Variants in KDM4D observed in about 807,000 individuals in gnomAD.
KDM4D encodes lysine-specific demethylase 4D.
For synonymous variants in KDM4D, 254 were observed against 249.1 expected (o/e 1.02, Z -0.19); for missense variants, 427 against 674.8 (o/e 0.63, Z 4.07).
intron 2 of KDM4D, among the ~76,000 whole-genome samples, chr11:94,983,210 A>C (rs1857856584): frequency 6.6e-6 from 1 of 151,984 alleles, no homozygotes. Flanking sequence ...ATTGTAACTT[A>C]GCATATGTGA....
At chr11:94,991,367 G>C (rs1368738978) in intron 2 of KDM4D, among the ~76,000 whole-genome samples, 1 of 151,106 alleles carries the variant, frequency 6.6e-6, no homozygotes, top group Non-Finnish European at 1.5e-5. Context: ...GCAAAAAAAA[G>C]AAAGAAAGAT....
Position 94,999,386 on chromosome 11 carries a change from T to C in KDM4D, c.*442T>C, listed in dbSNP as rs1858008356. 5.9e-6 allele frequency: 1 copy of C among 168,580 alleles called. No individual in the cohort carries two copies. The highest frequency in any genetic ancestry group is 1.4e-5 in the Non-Finnish European group (1 of 69,240). 10.4% of individuals were successfully genotyped at this position (168,580 alleles called of 1,614,324 possible). A position where few individuals can be genotyped will look rare whatever the true frequency, so the allele number is the denominator to read the frequency against. On this transcript the variant is annotated 3_prime_UTR_variant, in exon 3 of 3. Transcript: ENST00000335080. Reference sequence around the variant, plus strand: ...CCCCCTTTTTCTTATAAAACTAGGTTCTTTATACAGATAAGGTCAGTAGAG... The same window carrying C: ...CCCCCTTTTTCTTATAAAACTAGGTCCTTTATACAGATAAGGTCAGTAGAG...
chr11:94,996,698 T>C (rs1857978304), intron 2 of KDM4D, among the ~76,000 whole-genome samples: 1 of 152,248 alleles, frequency 6.6e-6, no homozygotes, highest in Admixed American at 6.5e-5. Context: ...AATGTTGTTA[T>C]GAACATTACT....
At chr11:94,987,338 A>C (rs587601609) in intron 2 of KDM4D, among the ~76,000 whole-genome samples, 1 of 152,334 alleles carries the variant, frequency 6.6e-6, no homozygotes, top group East Asian at 1.9e-4. Flanking sequence ...TTGTTTAAAA[A>C]CTACTTGAAG....
intron 2 of KDM4D, among the ~76,000 whole-genome samples, chr11:94,987,366 T>G (rs1565418497): frequency 6.6e-6 from 1 of 152,194 alleles, no homozygotes; most frequent in Non-Finnish European, 1.5e-5. Flanking sequence ...GATAAAATAT[T>G]AAGGTTTCAG....
At chr11:94,981,318 A>G (rs1037431913) in intron 2 of KDM4D, among the ~76,000 whole-genome samples, 1 of 151,980 alleles carries the variant, frequency 6.6e-6, no homozygotes, top group Non-Finnish European at 1.5e-5. Context: ...AGATTGACCT[A>G]TTTTCTTTTC....
At chr11:94,992,616 A>G (rs1362564257) in intron 2 of KDM4D, among the ~76,000 whole-genome samples, 1 of 152,120 alleles carries the variant, frequency 6.6e-6, no homozygotes, top group East Asian at 1.9e-4. Flanking sequence ...CGTGTATTAA[A>G]GATCTTAAAA....
At chr11:94,993,120 C>A (rs959316080) in intron 2 of KDM4D, among the ~76,000 whole-genome samples, 2 of 152,102 alleles carry the variant, frequency 1.3e-5, no homozygotes, top group Non-Finnish European at 2.9e-5. Context: ...CAGTTTAACA[C>A]CCCCCAACAC....
intron 2 of KDM4D, among the ~76,000 whole-genome samples, chr11:94,976,858 C>G (rs1857801767): frequency 6.6e-6 from 1 of 152,020 alleles, no homozygotes; most frequent in African/African-American, 2.4e-5. Flanking sequence ...ATTTATAGAA[C>G]CTAGAATTTG....
chr11:94,997,513 C>T lies in KDM4D; in HGVS notation c.141C>T (p.Gly47=). The T allele has an allele frequency of 1.2e-6, 2 of 1,614,120 alleles. No individual in the cohort carries two copies. Among genetic ancestry groups the T allele is most frequent in the Non-Finnish European group, 1.7e-6 (2 of 1,180,014 alleles). Residue 47 remains glycine (G), a synonymous_variant, in exon 3 of 3, where the codon GGC becomes GGT. Coordinates refer to ENST00000335080, the MANE Select transcript of KDM4D (RefSeq NM_018039.3). ...AATCCCAAGGTGCACACAGAGCTGGCTTGGCTAAGATAATTCCACCCAAAG... is the reference window on the plus strand; with the variant it reads ...AATCCCAAGGTGCACACAGAGCTGGTTTGGCTAAGATAATTCCACCCAAAG... ...YMESQGAHRA[G]LAKIIPPKEW... is the part of the protein sequence containing the mutation.
At position 94,995,677 on chromosome 11, in the gene KDM4D, G is replaced by A. The variant is rs1160945647; in HGVS notation, c.-349-1347G>A. On this transcript the variant is annotated intron_variant, in intron 2 of 2. Transcript: ENST00000335080. Reference sequence around the variant, plus strand: ...GCCCCTAGTTTAAAAAATCTGTTTCGAGCATCCCAATCTTTTTTGAGCTTC... The same window carrying A: ...GCCCCTAGTTTAAAAAATCTGTTTCAAGCATCCCAATCTTTTTTGAGCTTC... Among the ~76,000 whole-genome samples the A allele has an allele frequency of 3.9e-5, 6 of 152,078 alleles. No homozygotes were observed. In the East Asian group the frequency reaches 7.7e-4, roughly 20 times the overall value.
chr11:94,997,807 T>C lies in KDM4D; in HGVS notation c.435T>C (p.Phe145=), dbSNP rs1555099418. 1.9e-6 allele frequency: 3 copies of C among 1,614,236 alleles called. No individual in the cohort carries two copies. In the South Asian group the frequency reaches 3.3e-5, roughly 18 times the overall value. Reference sequence around the variant, plus strand: ...GTGCTGACATCAGTGGCTCCTTGTTTGATGAAAACACTAAACAATGGAATC... The same window carrying C: ...GTGCTGACATCAGTGGCTCCTTGTTCGATGAAAACACTAAACAATGGAATC... ...IYGADISGSL[F]DENTKQWNLG... Residue 145 remains phenylalanine, a synonymous_variant, in exon 3 of 3, where the codon TTT becomes TTC. Coordinates refer to ENST00000335080, the MANE Select transcript of KDM4D (RefSeq NM_018039.3).
chr11:94,988,623 G>GC (rs1857908728), intron 2 of KDM4D, among the ~76,000 whole-genome samples: 1 of 152,160 alleles, frequency 6.6e-6, no homozygotes, highest in Non-Finnish European at 1.5e-5. Context: ...AATGTCCCTT[G>GC]CCCAGAGTCT....
intron 2 of KDM4D, among the ~76,000 whole-genome samples, chr11:94,988,305 A>C (rs587649301): frequency 3.3e-5 from 5 of 152,366 alleles, no homozygotes; most frequent in African/African-American, 1.2e-4. Flanking sequence ...TCAGACATGC[A>C]TACTTTGGGA....
At position 94,983,058 on chromosome 11, in the gene KDM4D, G is replaced by A. The variant is rs115190675; in HGVS notation, c.-350+7310G>A. On this transcript the variant is annotated intron_variant, in intron 2 of 2. Coordinates refer to ENST00000335080, the MANE Select transcript of KDM4D (RefSeq NM_018039.3). ...TATACCCAAGATAATTTTGAAAAAA[G>A]TTGAATAAGTACATGGAGACTTGCC... Among the ~76,000 whole-genome samples, 892 of 152,000 alleles carry A rather than the reference G, an allele frequency of 5.9e-3. 6 individuals are homozygous for A. Among genetic ancestry groups the A allele is most frequent in the South Asian group, 0.03 (146 of 4,824 alleles).
intron 2 of KDM4D, among the ~76,000 whole-genome samples, chr11:94,989,756 T>TTTC (rs1565418913): frequency 1.4e-5 from 2 of 147,270 alleles, no homozygotes; most frequent in African/African-American, 5.0e-5. Context: ...CTCTTTCTTT[T>TTTC]TTTTTTTTTT....
At position 94,997,936 on chromosome 11, in the gene KDM4D, G is replaced by A. The variant is rs782156404; in HGVS notation, c.564G>A (p.Thr188=). ...TGTACTTTGGCATGTGGAAAACCAC[G>A]TTTGCTTGGCATACAGAGGACATGG... ...PYLYFGMWKT[T]FAWHTEDMDL... is the part of the protein sequence containing the mutation. Residue 188 remains threonine, a synonymous_variant, in exon 3 of 3, where the codon ACG becomes ACA. Transcript: ENST00000335080. 67 of 1,614,096 alleles carry A rather than the reference G, an allele frequency of 4.2e-5. No homozygotes were observed. The highest frequency in any genetic ancestry group is 5.4e-5 in the Non-Finnish European group (64 of 1,180,046).
chr11:94,998,938 G>A lies in KDM4D; in HGVS notation c.1566G>A (p.Val522=). ...CTTCTGGGTGCAGCTGGGCCCCTGT[G>A]CCCTAAGTCCACGGGCTGTCTTTAT... ...VKASGCSWAP[V]P The change falls in exon 3 of 3, where the codon GTG becomes GTA. Residue 522 remains valine, a synonymous_variant. Transcript: ENST00000335080. The surrounding 1 kb of genome is among the most constrained non-coding windows in gnomAD (Gnocchi z 6.7). 2 of 1,508,620 alleles carry A rather than the reference G, an allele frequency of 1.3e-6. No individual in the cohort carries two copies. Among genetic ancestry groups the A allele is most frequent in the Non-Finnish European group, 1.8e-6 (2 of 1,128,310 alleles). The allele number at this position is 1,508,620 out of a possible 1,614,324, so 93.5% of individuals were successfully genotyped here.
intron 2 of KDM4D, among the ~76,000 whole-genome samples, chr11:94,981,427 T>TTTCTTGAATG (rs1475891321): frequency 4.6e-5 from 7 of 152,082 alleles, no homozygotes; most frequent in Admixed American, 6.5e-5. Flanking sequence ...TTGGAATATC[T>TTTCTTGAATG]TTCTTGAATG....
Sources: allele counts gnomAD v4.1 joint callset (sites outside exome capture counted in the v4.1 genomes callset), GRCh38; gene constraint gnomAD v4.1.1; non-coding constraint Gnocchi (gnomAD v3.1); transcripts MANE v1.5; gene names NCBI Gene and HGNC (gene_info 2026-07-23, HGNC 2026-07-21).